The following ANO2 variants were observed in gnomAD, a reference collection of about 807,000 sequenced individuals.
ANO2 encodes the protein anoctamin-2.
A neutral mutation model predicts 124.2 loss-of-function variants in ANO2; 101 were observed. That is an observed-to-expected ratio of 0.81 (90% confidence interval 0.69 to 0.96). The LOEUF (loss-of-function observed/expected upper bound fraction) is 0.96. Among genes scored for constraint, ANO2 ranks in the 40% least tolerant of loss-of-function variants. The probability of loss-of-function intolerance (pLI) is 0.00; values close to 1 mark genes in which losing one functional copy is unlikely to be tolerated. For missense variants in ANO2, 1,293 were observed against 1,274.5 expected (o/e 1.01, Z -0.22); for synonymous variants, 486 against 482.5 (o/e 1.01, Z -0.09).
Position 5,777,824 on chromosome 12 carries a change from G to A in ANO2, c.1055+21683C>T, listed in dbSNP as rs145369596. Among the ~76,000 whole-genome samples, 108 of 152,270 alleles carry A rather than the reference G, an allele frequency of 7.1e-4. No homozygotes were observed. The East Asian group carries it at 0.015, about 21-fold the overall frequency. On this transcript the variant is annotated intron_variant, in intron 10 of 24. Transcript: ENST00000682330. ...CATGAACGTTCACAGCCAGAAAAGCGACTGCAAGGAGGTGGGAGCAGACAT... is the reference window on the plus strand; with the variant it reads ...CATGAACGTTCACAGCCAGAAAAGCAACTGCAAGGAGGTGGGAGCAGACAT...
chr12:5,826,357 C>T (rs757895730), intron 7 of ANO2, among the ~76,000 whole-genome samples: 15 of 150,448 alleles, frequency 1.0e-4, no homozygotes, highest in Non-Finnish European at 1.9e-4. Flanking sequence ...AAGATGCAAA[C>T]TATTGATCCT....
chr12:5,676,142 CA>C (rs1264805134), intron 14 of ANO2, among the ~76,000 whole-genome samples: 1 of 152,132 alleles, frequency 6.6e-6, no homozygotes, highest in Non-Finnish European at 1.5e-5. Flanking sequence ...AAAGTTGCAG[CA>C]AAAGTCACTG....
chr12:5,801,938 T>G (rs992699490), intron 9 of ANO2, among the ~76,000 whole-genome samples: 5 of 152,210 alleles, frequency 3.3e-5, no homozygotes, highest in African/African-American at 1.2e-4. Context: ...AGTGACATCA[T>G]TTGTTGCCCA....
chr12:5,564,330 C>T (rs561191583), intron 24 of ANO2: 1 of 152,586 alleles, frequency 6.6e-6, no homozygotes, highest in African/African-American at 2.4e-5. Flanking sequence ...AGAGCACTTA[C>T]TGTCTCAATG....
intron 4 of ANO2, 28 bp downstream of exon 4, chr12:5,854,015 C>T (rs1955010535): frequency 6.2e-7 from 1 of 1,602,590 alleles, no homozygotes. Flanking sequence ...CTCAGGAGGC[C>T]CAGAACCCAG....
At chr12:5,786,962 A>G (rs573934044) in intron 10 of ANO2, among the ~76,000 whole-genome samples, 1 of 152,302 alleles carries the variant, frequency 6.6e-6, no homozygotes, top group East Asian at 1.9e-4. Flanking sequence ...CACAGCAGTC[A>G]TTCACATTCC....
chr12:5,871,692 T>C (rs1322509166), intron 3 of ANO2, among the ~76,000 whole-genome samples: 1 of 152,174 alleles, frequency 6.6e-6, no homozygotes, highest in African/African-American at 2.4e-5. Context: ...CACCAGTCCA[T>C]GGAAAAATTG....
chr12:5,820,308 T>G (rs1313866400), intron 7 of ANO2, among the ~76,000 whole-genome samples: 1 of 152,154 alleles, frequency 6.6e-6, no homozygotes, highest in Admixed American at 6.5e-5. Flanking sequence ...TATGATCAGA[T>G]TTTTGGGGAC....
intron 10 of ANO2, among the ~76,000 whole-genome samples, chr12:5,783,222 T>C (rs1952452823): frequency 6.6e-6 from 1 of 152,250 alleles, no homozygotes; most frequent in South Asian, 2.1e-4. Flanking sequence ...ACATTTATCA[T>C]GATTACATTT....
upstream of ANO2, chr12:5,945,378 G>A: frequency 2.8e-6 from 2 of 703,826 alleles, no homozygotes; most frequent in Non-Finnish European, 3.6e-6. Context: ...CCGGCGCCGC[G>A]CAGCCACAGC....
intron 20 of ANO2, among the ~76,000 whole-genome samples, chr12:5,585,330 G>A (rs1002950298): frequency 1.3e-5 from 2 of 152,128 alleles, no homozygotes; most frequent in Non-Finnish European, 2.9e-5. Flanking sequence ...AATGGATCGG[G>A]CCTGATTCAA....
At chr12:5,791,135 G>A (rs754367368) in intron 10 of ANO2, among the ~76,000 whole-genome samples, 2 of 152,134 alleles carry the variant, frequency 1.3e-5, no homozygotes, top group Admixed American at 6.5e-5. Flanking sequence ...AGGATGAACC[G>A]TGGAAGCGTC....
intron 14 of ANO2, among the ~76,000 whole-genome samples, chr12:5,727,851 G>A (rs1316246798): frequency 4.7e-5 from 7 of 149,730 alleles, no homozygotes; most frequent in African/African-American, 7.4e-5. Context: ...CTGTCCCCCA[G>A]GCTGGAGTGC....
intron 3 of ANO2, among the ~76,000 whole-genome samples, chr12:5,884,885 T>C (rs369714109): frequency 2.6e-5 from 4 of 151,038 alleles, no homozygotes; most frequent in African/African-American, 4.8e-5. Flanking sequence ...GAGGGGACCC[T>C]AAAGCAAGAA....
At chr12:5,806,299 C>G (rs370663987) in intron 8 of ANO2, among the ~76,000 whole-genome samples, 19 of 152,326 alleles carry the variant, frequency 1.2e-4, no homozygotes, top group Non-Finnish European at 2.4e-4. Context: ...GATAACTTCT[C>G]ACATGAAGAT....
At chr12:5,866,144 G>A (rs907754203) in intron 3 of ANO2, among the ~76,000 whole-genome samples, 1 of 152,178 alleles carries the variant, frequency 6.6e-6, no homozygotes, top group Non-Finnish European at 1.5e-5. Context: ...TTGTAATGTG[G>A]TCAAAATCAA....
intron 16 of ANO2, among the ~76,000 whole-genome samples, chr12:5,625,380 G>T (rs1945345338): frequency 6.6e-6 from 1 of 151,984 alleles, no homozygotes; most frequent in Non-Finnish European, 1.5e-5. Flanking sequence ...GAGAGAGAGA[G>T]AGAGAGCTCC....
chr12:5,849,651 T>G lies in ANO2; in HGVS notation c.633+4392A>C, dbSNP rs143113311. On this transcript the variant is annotated intron_variant, in intron 4 of 24. Coordinates refer to ENST00000682330, the MANE Select transcript of ANO2 (RefSeq NM_001364791.2). Reference sequence around the variant, plus strand: ...CCCAGTTAATATCTGTGCTCAGGACTTGGAGTCCCTGGACACATTACAATG... The same window carrying G: ...CCCAGTTAATATCTGTGCTCAGGACGTGGAGTCCCTGGACACATTACAATG... 5.4e-3 allele frequency among the ~76,000 whole-genome samples: 828 copies of G among 152,304 alleles called. 10 individuals carry two copies. Among genetic ancestry groups the G allele is most frequent in the African/African-American group, 0.019 (772 of 41,578 alleles).
At chr12:5,797,522 A>G (rs1238586610) in intron 10 of ANO2, among the ~76,000 whole-genome samples, 1 of 152,180 alleles carries the variant, frequency 6.6e-6, no homozygotes, top group Non-Finnish European at 1.5e-5. Flanking sequence ...GCTCCAGCCC[A>G]CATTTCTCTC....
Sources: allele counts gnomAD v4.1 joint callset (sites outside exome capture counted in the v4.1 genomes callset), GRCh38; gene constraint gnomAD v4.1.1; transcripts MANE v1.5; gene names NCBI Gene and HGNC (gene_info 2026-07-23, HGNC 2026-07-21).